Variants in CWC27 observed in about 807,000 individuals in gnomAD.
CWC27 encodes CWC27 spliceosome associated cyclophilin.
A neutral mutation model predicts 63.6 loss-of-function variants in CWC27; 47 were observed. The ratio of observed to expected loss-of-function variants is 0.74; its 90% confidence interval spans 0.58 to 0.94. The LOEUF (loss-of-function observed/expected upper bound fraction) is 0.94. CWC27 is among the 40% of genes least tolerant of loss of function. The pLI, the probability that CWC27 is intolerant of heterozygous loss-of-function variation, is 0.00. For synonymous variants in CWC27, 175 were observed against 179.8 expected (o/e 0.97, Z 0.22); for missense variants, 495 against 554.3 (o/e 0.89, Z 1.07).
At chr5:64,876,184 G>T (rs935956050) in intron 10 of CWC27, among the ~76,000 whole-genome samples, 3 of 151,994 alleles carry the variant, frequency 2.0e-5, no homozygotes, top group African/African-American at 7.2e-5. Context: ...TTTGAAATAT[G>T]GTGAACCTAC....
chr5:64,861,918 A>G (rs1044530644), intron 10 of CWC27, among the ~76,000 whole-genome samples: 5 of 152,240 alleles, frequency 3.3e-5, no homozygotes, highest in African/African-American at 1.2e-4. Context: ...CGATTTTAAT[A>G]CAATGTCATT....
intron 11 of CWC27, among the ~76,000 whole-genome samples, chr5:64,920,353 G>A (rs1214123309): frequency 1.3e-5 from 2 of 152,162 alleles, no homozygotes; most frequent in Admixed American, 6.5e-5. Flanking sequence ...ACTTTTTGAT[G>A]TGCTGCTGGA....
intron 7 of CWC27, among the ~76,000 whole-genome samples, chr5:64,798,920 G>A (rs1647286285): frequency 1.3e-5 from 2 of 152,144 alleles, no homozygotes; most frequent in African/African-American, 4.8e-5. Context: ...GGGAGTTGGG[G>A]TGGTGAGCAT....
chr5:64,906,099 T>A (rs889229330), intron 11 of CWC27, among the ~76,000 whole-genome samples: 1 of 152,154 alleles, frequency 6.6e-6, no homozygotes, highest in Non-Finnish European at 1.5e-5. Flanking sequence ...TTTAGGTGGG[T>A]TCGAAGTCTT....
intron 7 of CWC27, among the ~76,000 whole-genome samples, chr5:64,792,797 A>C (rs549346442): frequency 1.2e-4 from 18 of 152,224 alleles, no homozygotes; most frequent in African/African-American, 4.3e-4. Flanking sequence ...GGATCATACA[A>C]ATTCATATTA....
chr5:64,903,189 G>T (rs1024270940), intron 11 of CWC27, among the ~76,000 whole-genome samples: 5 of 152,062 alleles, frequency 3.3e-5, no homozygotes, highest in African/African-American at 1.2e-4. Context: ...ATACCCAAAG[G>T]ATTATAAATC....
rs560079974 is a variant in CWC27, at chr5:64,860,205, A to C, written c.939-25238A>C. On this transcript the variant is annotated intron_variant, in intron 10 of 13. Transcript: ENST00000381070. ...CTTAACAAGTCCTTACAATTTAATA[A>C]TGTTATTTATTTGCTGATATTTAAA... Among the ~76,000 whole-genome samples, 92 of 152,324 alleles carry C rather than the reference A, an allele frequency of 6.0e-4. 2 individuals carry two copies. The highest frequency in any genetic ancestry group is 5.2e-3 in the Admixed American group (80 of 15,304).
chr5:64,867,996 A>G (rs539773647), intron 10 of CWC27, among the ~76,000 whole-genome samples: 2 of 152,070 alleles, frequency 1.3e-5, no homozygotes, highest in Non-Finnish European at 1.5e-5. Flanking sequence ...ATACTGACAT[A>G]TCACATACCA....
intron 10 of CWC27, among the ~76,000 whole-genome samples, chr5:64,806,054 G>T (rs1744655599): frequency 6.6e-6 from 1 of 151,866 alleles, no homozygotes; most frequent in South Asian, 2.1e-4. Flanking sequence ...ATAGAGGAGT[G>T]TTTTGGGCTA....
At chr5:64,940,409 C>A (rs1748450012) in intron 11 of CWC27, among the ~76,000 whole-genome samples, 1 of 152,172 alleles carries the variant, frequency 6.6e-6, no homozygotes, top group Non-Finnish European at 1.5e-5. Flanking sequence ...GGCAGCGCCC[C>A]ACCCTGTTTC....
intron 10 of CWC27, among the ~76,000 whole-genome samples, chr5:64,831,103 T>G (rs1353337989): frequency 6.6e-6 from 1 of 152,080 alleles, no homozygotes; most frequent in Non-Finnish European, 1.5e-5. Flanking sequence ...TTTTGTGTAC[T>G]TCAGACATTC....
intron 11 of CWC27, among the ~76,000 whole-genome samples, chr5:64,930,636 A>G (rs998182004): frequency 6.6e-6 from 1 of 152,120 alleles, no homozygotes; most frequent in Non-Finnish European, 1.5e-5. Flanking sequence ...ATAGATACTA[A>G]ATCTAGAGGG....
At chr5:64,901,325 G>C (rs992383548) in intron 11 of CWC27, among the ~76,000 whole-genome samples, 1 of 152,184 alleles carries the variant, frequency 6.6e-6, no homozygotes, top group Non-Finnish European at 1.5e-5. Flanking sequence ...GCCGGGTGTG[G>C]TGGCAGGTGC....
chr5:65,014,856 G>T (rs1424878786), intron 13 of CWC27, among the ~76,000 whole-genome samples: 1 of 152,176 alleles, frequency 6.6e-6, no homozygotes, highest in South Asian at 2.1e-4. Flanking sequence ...GAAGCATTTT[G>T]ATTATGCTTG....
Position 64,885,546 on chromosome 5 carries a change from G to C in CWC27, c.1042G>C (p.Glu348Gln), listed in dbSNP as rs775170127. ...AAAACAAGCAGAAAAAAGAAGTGAA[G>C]GTAAGGGCATTTATCACGCTTATTT... is the stretch of plus-strand genomic sequence containing the variant. ...AAKQAEKRSE[E>Q]EEAPPDGAVA... The change falls in exon 11 of 14, where the codon GAG becomes CAG. Residue 348 changes from glutamate to glutamine, a missense_variant and splice_region_variant. This residue lies in a region of CWC27 where 463 missense variants were observed against 498.1 expected (regional missense o/e 0.93). Transcript: ENST00000381070. 3 of 1,591,912 alleles carry C rather than the reference G, an allele frequency of 1.9e-6. No individual in the cohort carries two copies. In the South Asian group the frequency reaches 3.4e-5, roughly 18 times the overall value.
At chr5:64,955,741 A>G (rs1236939930) in intron 11 of CWC27, among the ~76,000 whole-genome samples, 1 of 152,208 alleles carries the variant, frequency 6.6e-6, no homozygotes, top group African/African-American at 2.4e-5. Flanking sequence ...AATGAAAAAA[A>G]AAGTCAAGAG....
intron 12 of CWC27, chr5:64,972,763 CT>C: frequency 2.3e-6 from 1 of 435,364 alleles, no homozygotes; most frequent in South Asian, 1.6e-5. Context: ...TTCCTTCCCC[CT>C]CCCCCCATTC....
At chr5:64,803,239 A>G (rs1744547329) in intron 9 of CWC27, among the ~76,000 whole-genome samples, 1 of 152,158 alleles carries the variant, frequency 6.6e-6, no homozygotes, top group Non-Finnish European at 1.5e-5. Context: ...ACGACTCACC[A>G]GATCAAAGAA....
intron 10 of CWC27, among the ~76,000 whole-genome samples, chr5:64,856,258 C>G (rs1199169563): frequency 6.6e-6 from 1 of 151,754 alleles, no homozygotes; most frequent in Non-Finnish European, 1.5e-5. Context: ...AATGGTAATA[C>G]ACTTATATTT....
Sources: gnomAD v4.1 joint callset for allele counts (sites outside exome capture counted in the v4.1 genomes callset) on GRCh38, gnomAD v4.1.1 for gene constraint, gnomAD v4.1.1 regional missense constraint, MANE v1.5 for transcripts, NCBI Gene and HGNC (gene_info 2026-07-23, HGNC 2026-07-21) for gene names.